The following UXS1 variants were observed in gnomAD, a reference collection of about 807,000 sequenced individuals.
UXS1 encodes UDP-glucuronate decarboxylase 1.
In UXS1, 33 loss-of-function variants were observed where a neutral mutation model predicts 62.6. The ratio of observed to expected loss-of-function variants is 0.53; its 90% confidence interval spans 0.40 to 0.70. The LOEUF is 0.70. UXS1 is among the 30% of genes least tolerant of loss of function. The pLI is 0.00. For missense variants in UXS1, 434 were observed against 556.3 expected (o/e 0.78, Z 2.21); for synonymous variants, 213 against 206.8 (o/e 1.03, Z -0.26).
intron 1 of UXS1, among the ~76,000 whole-genome samples, chr2:106,166,945 G>A (rs969059814): frequency 1.3e-5 from 2 of 152,190 alleles, no homozygotes; most frequent in African/African-American, 4.8e-5. Flanking sequence ...CCTCTCCCTT[G>A]TAATGATGAT....
chr2:106,147,458 CAA>C (rs1681667047), intron 5 of UXS1, among the ~76,000 whole-genome samples: 1 of 152,100 alleles, frequency 6.6e-6, no homozygotes, highest in Admixed American at 6.5e-5. Flanking sequence ...AAGTTTTACA[CAA>C]AGATTTACTC....
intron 1 of UXS1, among the ~76,000 whole-genome samples, chr2:106,168,743 G>A (rs182191539): frequency 7.7e-4 from 117 of 152,268 alleles, no homozygotes; most frequent in Admixed American, 2.5e-3. Flanking sequence ...GAGAATTGCT[G>A]TATAAATTGT....
chr2:106,141,746 G>A (rs951774037), intron 6 of UXS1, among the ~76,000 whole-genome samples: 2 of 151,968 alleles, frequency 1.3e-5, no homozygotes, highest in African/African-American at 4.8e-5. Flanking sequence ...ACTGTGCCCG[G>A]CCATCTTTTC....
chr2:106,096,264 ATG>A lies in UXS1; in HGVS notation c.1146+452_1146+453del, dbSNP rs552752613. Among the ~76,000 whole-genome samples, 8 of 152,018 alleles carry A rather than the reference ATG, an allele frequency of 5.3e-5. No individual in the cohort carries two copies. The South Asian group carries it at 8.3e-4, about 16-fold the overall frequency. On this transcript the variant is annotated intron_variant, in intron 14 of 14. Transcript: ENST00000283148. ...TGAGTGTGGATCAGTGAGTGTGCGCATGTGAGTGAATGTGAGAATGTGTATGA... is the reference window on the plus strand; with the variant it reads ...TGAGTGTGGATCAGTGAGTGTGCGCATGAGTGAATGTGAGAATGTGTATGA...
intron 1 of UXS1, among the ~76,000 whole-genome samples, chr2:106,185,807 A>G (rs901010105): frequency 6.6e-6 from 1 of 152,226 alleles, no homozygotes; most frequent in African/African-American, 2.4e-5. Flanking sequence ...GCAGACAGAA[A>G]AGGAGGAGGC....
At chr2:106,118,453 G>T (rs1679240598) in intron 9 of UXS1, among the ~76,000 whole-genome samples, 1 of 152,196 alleles carries the variant, frequency 6.6e-6, no homozygotes, top group South Asian at 2.1e-4. Flanking sequence ...AGACTCATGA[G>T]GGGGCGAACT....
At chr2:106,130,828 C>G (rs561870745) in intron 6 of UXS1, among the ~76,000 whole-genome samples, 1 of 152,294 alleles carries the variant, frequency 6.6e-6, no homozygotes, top group Non-Finnish European at 1.5e-5. Context: ...CTGAAGCAGG[C>G]TGGGAGACTC....
intron 6 of UXS1, among the ~76,000 whole-genome samples, chr2:106,139,440 G>A (rs1442522248): frequency 5.3e-5 from 8 of 152,080 alleles, no homozygotes; most frequent in Admixed American, 5.2e-4. Context: ...CCTGACTGGG[G>A]AAACTCAACC....
chr2:106,149,898 G>T (rs1340532895), intron 5 of UXS1, among the ~76,000 whole-genome samples: 1 of 152,180 alleles, frequency 6.6e-6, no homozygotes, highest in Non-Finnish European at 1.5e-5. Context: ...GAACTTCTTA[G>T]AGATTACCTG....
chr2:106,151,801 A>G (rs1682035683), intron 5 of UXS1, among the ~76,000 whole-genome samples: 1 of 152,232 alleles, frequency 6.6e-6, no homozygotes, highest in African/African-American at 2.4e-5. Flanking sequence ...AGGGACATAC[A>G]AGTATTAACA....
At chr2:106,150,835 C>T (rs528578203) in intron 5 of UXS1, among the ~76,000 whole-genome samples, 257 of 152,320 alleles carry the variant, frequency 1.7e-3, no homozygotes, top group African/African-American at 5.7e-3. Flanking sequence ...GCGAGAGCAG[C>T]CAGGTGGACT....
intron 5 of UXS1, among the ~76,000 whole-genome samples, chr2:106,148,563 T>A (rs1681766146): frequency 6.6e-6 from 1 of 152,234 alleles, no homozygotes; most frequent in Admixed American, 6.5e-5. Flanking sequence ...GTCTTAGTAC[T>A]GACGTAAAAT....
At chr2:106,138,161 A>T in intron 6 of UXS1, 1 of 985,332 alleles carries the variant, frequency 1.0e-6, no homozygotes, top group Non-Finnish European at 1.2e-6. Flanking sequence ...GAAAGCCACT[A>T]TCATTAACCT....
chr2:106,109,034 G>C (rs1484956610), intron 10 of UXS1, among the ~76,000 whole-genome samples: 3 of 152,102 alleles, frequency 2.0e-5, no homozygotes, highest in Non-Finnish European at 2.9e-5. Flanking sequence ...TTGTCAGCAA[G>C]AATCCTGTTA....
chr2:106,154,975 T>C (rs1372088971), intron 5 of UXS1, among the ~76,000 whole-genome samples: 1 of 152,188 alleles, frequency 6.6e-6, no homozygotes, highest in African/African-American at 2.4e-5. Context: ...CGGAGAGCTT[T>C]CAATCATAGT....
chr2:106,156,314 T>C (rs1217027335), intron 5 of UXS1, among the ~76,000 whole-genome samples: 1 of 151,868 alleles, frequency 6.6e-6, no homozygotes, highest in Non-Finnish European at 1.5e-5. Context: ...ATCAGAGAAA[T>C]GCAAATCCAA....
At chr2:106,175,184 A>C (rs1377948172) in intron 1 of UXS1, among the ~76,000 whole-genome samples, 1 of 152,210 alleles carries the variant, frequency 6.6e-6, no homozygotes, top group East Asian at 1.9e-4. Flanking sequence ...GAGACATTCA[A>C]AATGGAAATC....
intron 5 of UXS1, among the ~76,000 whole-genome samples, chr2:106,146,650 C>T (rs1681590339): frequency 6.6e-6 from 1 of 151,590 alleles, no homozygotes; most frequent in Non-Finnish European, 1.5e-5. Flanking sequence ...CGTGGTGGCA[C>T]ACTCCTGTAA....
At chr2:106,125,574 G>T in intron 8 of UXS1, 46 bp downstream of exon 8, 2 of 1,509,858 alleles carry the variant, frequency 1.3e-6, no homozygotes, top group Non-Finnish European at 1.8e-6. Context: ...GATGAAAACA[G>T]TCCAAGGGCT....
Sources: allele counts gnomAD v4.1 joint callset (sites outside exome capture counted in the v4.1 genomes callset), GRCh38; gene constraint gnomAD v4.1.1; transcripts MANE v1.5; gene names NCBI Gene and HGNC (gene_info 2026-07-23, HGNC 2026-07-21).